The following NPC1 variants were observed in gnomAD, a reference collection of about 807,000 sequenced individuals.
NPC1 encodes Niemann-Pick C1 protein.
A neutral mutation model predicts 140.4 loss-of-function variants in NPC1; 85 were observed. That is an observed-to-expected ratio of 0.61 (90% CI 0.51 to 0.72). NPC1 has a LOEUF of 0.72. Among genes scored for constraint, NPC1 ranks in the 30% least tolerant of loss-of-function variants. The probability of loss-of-function intolerance (pLI) is 0.00; values close to 1 mark genes in which losing one functional copy is unlikely to be tolerated. For missense variants in NPC1, 1,504 were observed against 1,623.8 expected (o/e 0.93, Z 1.27); for synonymous variants, 656 against 624.8 (o/e 1.05, Z -0.74).
chr18:23,537,961 C>T (rs28744666), intron 20 of NPC1, among the ~76,000 whole-genome samples: 1,554 of 152,248 alleles, frequency 0.01, 27 homozygotes, highest in African/African-American at 0.036. Context: ...CATCTTCCAC[C>T]TCCCAAAGCT....
intron 23 of NPC1, chr18:23,533,868 T>C: frequency 2.7e-6 from 1 of 368,928 alleles, no homozygotes; most frequent in Non-Finnish European, 5.2e-6. Flanking sequence ...GGTAGCATCA[T>C]CTACTACCTA....
At chr18:23,535,805 C>T in intron 21 of NPC1, 105 bp from the exon 22 acceptor site, 2 of 801,932 alleles carry the variant, frequency 2.5e-6, no homozygotes, top group Admixed American at 2.0e-5. Context: ...TGGGAAACAT[C>T]CCTTGCAGAA....
downstream of NPC1, chr18:23,527,946 C>CT: frequency 2.1e-6 from 3 of 1,443,554 alleles, no homozygotes; most frequent in Non-Finnish European, 2.9e-6. Flanking sequence ...CCCCCACCCC[C>CT]TCCCGGGTAT....
chr18:23,518,875 T>C (rs1431806121), downstream of NPC1: 9 of 1,612,574 alleles, frequency 5.6e-6, no homozygotes, highest in Non-Finnish European at 6.8e-6. Context: ...TTATGTCTGT[T>C]TGTTCCCTAA....
At chr18:23,534,303 T>C (rs1237964681) in intron 23 of NPC1, 143 bp downstream of exon 23, 2 of 706,790 alleles carry the variant, frequency 2.8e-6, no homozygotes, top group Admixed American at 2.0e-5. Flanking sequence ...CTGTCCACGA[T>C]GTGGCAGCTA....
chr18:23,517,479 G>T (rs572215459), downstream of NPC1, among the ~76,000 whole-genome samples: 1 of 152,148 alleles, frequency 6.6e-6, no homozygotes, highest in South Asian at 2.1e-4. Context: ...TGAAAAAGTG[G>T]ATATCTCAGT....
chr18:23,530,402 AATG>A, downstream of NPC1: 1 of 1,614,208 alleles, frequency 6.2e-7, no homozygotes, highest in Non-Finnish European at 8.5e-7. Context: ...TTCAACAGCA[AATG>A]ATGAAATAGT....
Position 23,541,236 on chromosome 18 carries a change from AT to A in NPC1, c.2374-29del, listed in dbSNP as rs766356903. The A allele has an allele frequency of 2.2e-5, 35 of 1,614,098 alleles. No homozygotes were observed. In the East Asian group the frequency reaches 7.8e-4, roughly 36 times the overall value. ...GAGGGGACAGAGGGAAACAAAGGTT[AT>A]ACCCGCTAGCTGCTTCCTCTAGATT... is the stretch of plus-strand genomic sequence containing the variant. On this transcript the variant is annotated intron_variant, in intron 15 of 24. Coordinates refer to ENST00000269228, the MANE Select transcript of NPC1 (RefSeq NM_000271.5).
At chr18:23,559,251 C>A (rs10445477) in intron 6 of NPC1, among the ~76,000 whole-genome samples, 18,425 of 152,138 alleles carry the variant, frequency 0.12, 1,490 homozygotes, top group Middle Eastern at 0.28. Flanking sequence ...AATGGGATGG[C>A]TGGGTCAAAT....
intron 21 of NPC1, 137 bp from the exon 22 acceptor site, chr18:23,535,837 G>C (rs1452951212): frequency 1.4e-6 from 1 of 714,070 alleles, no homozygotes; most frequent in African/African-American, 1.7e-5. Flanking sequence ...CTGTCTACAA[G>C]ACTCACCGAA....
At chr18:23,508,291 AGCCCTTGGG>A (rs2057763771) in intron 3 of NPC1, among the ~76,000 whole-genome samples, 1 of 152,182 alleles carries the variant, frequency 6.6e-6, no homozygotes. Flanking sequence ...CAGTAGTGCT[AGCCCTTGGG>A]GCTGTCGTCT....
intron 13 of NPC1, 133 bp from the exon 14 acceptor site, chr18:23,543,702 A>G: frequency 1.5e-6 from 1 of 657,938 alleles, no homozygotes; most frequent in South Asian, 1.7e-5. Flanking sequence ...CTAAGCATAT[A>G]AACTTCGGTG....
chr18:23,574,635 G>A (rs576554541), intron 1 of NPC1, among the ~76,000 whole-genome samples: 1 of 152,310 alleles, frequency 6.6e-6, no homozygotes, highest in Admixed American at 6.5e-5. Context: ...GGATTTGTAT[G>A]TGTGGGGAAA....
At chr18:23,544,888 A>G (rs1428483541) in intron 12 of NPC1, 72 bp downstream of exon 12, 3 of 1,114,822 alleles carry the variant, frequency 2.7e-6, no homozygotes, top group African/African-American at 3.1e-5. Context: ...AAGAATAAAG[A>G]GGCAAAAATA....
chr18:23,524,750 A>G (rs1045703529), downstream of NPC1, among the ~76,000 whole-genome samples: 2 of 151,874 alleles, frequency 1.3e-5, no homozygotes, highest in African/African-American at 4.8e-5. Flanking sequence ...ACTCCACCCC[A>G]GGGTGGATGG....
intron 3 of NPC1, among the ~76,000 whole-genome samples, 185 bp from the exon 4 acceptor site, chr18:23,569,183 A>T (rs1443822757): frequency 6.6e-6 from 1 of 152,258 alleles, no homozygotes; most frequent in Non-Finnish European, 1.5e-5. Flanking sequence ...CCTTTAAAAA[A>T]TGCCCTAATT....
At chr18:23,585,851 TTG>T (rs1463367374) in intron 1 of NPC1, among the ~76,000 whole-genome samples, 1 of 152,204 alleles carries the variant, frequency 6.6e-6, no homozygotes, top group African/African-American at 2.4e-5. Flanking sequence ...TTGAGGAAGT[TTG>T]TGTCTCTTTA....
chr18:23,586,416 C>G lies in NPC1; in HGVS notation c.-73G>C. 6.6e-7 allele frequency: 1 copy of G among 1,526,310 alleles called. No individual in the cohort carries two copies. The highest frequency in any genetic ancestry group is 2.5e-5 in the East Asian group (1 of 40,106). 94.5% of individuals were successfully genotyped at this position (1,526,310 alleles called of 1,614,324 possible). The stretch of plus-strand genomic sequence containing the variant: ...GGCTCCCCGGAGGCGGCTCTACTTC[C>G]CCGGGCTGTTTCAGCACCCCGCGCA... On this transcript the variant is annotated 5_prime_UTR_variant, in exon 1 of 25. Transcript: ENST00000269228.
intron 1 of NPC1, among the ~76,000 whole-genome samples, chr18:23,574,621 A>C (rs2059248991): frequency 6.6e-6 from 1 of 152,204 alleles, no homozygotes; most frequent in Admixed American, 6.5e-5. Context: ...TCAGCAGGAG[A>C]TTGGGATTTG....
Sources: allele counts gnomAD v4.1 joint callset (sites outside exome capture counted in the v4.1 genomes callset), GRCh38; gene constraint gnomAD v4.1.1; transcripts MANE v1.5; gene names NCBI Gene and HGNC (gene_info 2026-07-23, HGNC 2026-07-21).